Variants in MCTP1 observed in about 807,000 individuals in gnomAD.
MCTP1 encodes the protein multiple C2 and transmembrane domain-containing protein 1.
In MCTP1, 69 loss-of-function variants were observed where a neutral mutation model predicts 120.6. The observed-to-expected ratio is 0.57, with a 90% CI of 0.47 to 0.70. The LOEUF (loss-of-function observed/expected upper bound fraction) is 0.70. Among genes scored for constraint, MCTP1 ranks in the 30% least tolerant of loss-of-function variants. MCTP1 has a pLI of 0.00. For missense variants in MCTP1, 1,203 were observed against 1,248.8 expected (o/e 0.96, Z 0.55); for synonymous variants, 529 against 493.1 (o/e 1.07, Z -0.96).
At chr5:95,115,497 A>T (rs1363962885) in intron 1 of MCTP1, among the ~76,000 whole-genome samples, 1 of 152,062 alleles carries the variant, frequency 6.6e-6, no homozygotes, top group Non-Finnish European at 1.5e-5. Flanking sequence ...CATACTGAAG[A>T]ATGCATCAGA....
intron 1 of MCTP1, among the ~76,000 whole-genome samples, chr5:95,076,136 A>T (rs867990590): frequency 1.4e-4 from 21 of 152,326 alleles, no homozygotes; most frequent in African/African-American, 4.8e-4. Context: ...ACAGTAAGAG[A>T]TAACAGTAAC....
chr5:95,242,794 A>G (rs1756313554), intron 1 of MCTP1, among the ~76,000 whole-genome samples: 1 of 152,242 alleles, frequency 6.6e-6, no homozygotes, highest in Non-Finnish European at 1.5e-5. Context: ...TTCTAGAGCC[A>G]TCAAAATGTT....
At chr5:94,825,830 AT>A (rs1786918210) in intron 17 of MCTP1, 1 of 168,198 alleles carries the variant, frequency 5.9e-6, no homozygotes, top group Admixed American at 6.4e-5. Flanking sequence ...TCCCCTTACC[AT>A]TATGTAATGC....
At chr5:94,818,730 T>G (rs1227088272) in intron 17 of MCTP1, among the ~76,000 whole-genome samples, 1 of 152,182 alleles carries the variant, frequency 6.6e-6, no homozygotes, top group Non-Finnish European at 1.5e-5. Flanking sequence ...TCCTGGTAAA[T>G]TAAAACTGTC....
At chr5:95,019,612 G>T (rs894111493) in intron 1 of MCTP1, among the ~76,000 whole-genome samples, 1 of 152,012 alleles carries the variant, frequency 6.6e-6, no homozygotes, top group African/African-American at 2.4e-5. Context: ...TTTTCCAAAA[G>T]GTTTTCCAAA....
chr5:94,948,959 T>C (rs1819800442), intron 3 of MCTP1, among the ~76,000 whole-genome samples: 1 of 152,112 alleles, frequency 6.6e-6, no homozygotes, highest in South Asian at 2.1e-4. Flanking sequence ...CATTTTCAAC[T>C]TTAACTCTTA....
chr5:95,012,229 A>C (rs1836143517), intron 2 of MCTP1, among the ~76,000 whole-genome samples: 1 of 152,138 alleles, frequency 6.6e-6, no homozygotes, highest in African/African-American at 2.4e-5. Context: ...CACAGGGTTC[A>C]TTCTAGACTG....
intron 17 of MCTP1, among the ~76,000 whole-genome samples, chr5:94,815,734 C>A (rs538280301): frequency 2.0e-5 from 3 of 152,116 alleles, no homozygotes; most frequent in Non-Finnish European, 4.4e-5. Flanking sequence ...TTAGATCAGT[C>A]TTGAGGAGGC....
chr5:95,123,797 C>A (rs1199755249), intron 1 of MCTP1, among the ~76,000 whole-genome samples: 1 of 152,042 alleles, frequency 6.6e-6, no homozygotes. Flanking sequence ...CTACAGGCGC[C>A]CGCCACTGCG....
intron 1 of MCTP1, among the ~76,000 whole-genome samples, chr5:95,087,133 C>T (rs1393311810): frequency 6.6e-6 from 1 of 152,146 alleles, no homozygotes; most frequent in African/African-American, 2.4e-5. Context: ...TTAAGGGTAT[C>T]CCACTTCCTT....
chr5:94,947,577 T>TATATATATATATAGAGAGAG, intron 3 of MCTP1, among the ~76,000 whole-genome samples: 29 of 47,384 alleles, frequency 6.1e-4, no homozygotes, highest in Admixed American at 7.6e-4. Context: ...TATATATATA[T>TATATATATATATAGAGAGAG]AGAGAGAGAG....
intron 1 of MCTP1, among the ~76,000 whole-genome samples, chr5:95,218,694 T>C (rs1221960758): frequency 6.6e-6 from 1 of 152,196 alleles, no homozygotes; most frequent in Non-Finnish European, 1.5e-5. Context: ...GAGAAATGCA[T>C]TGTGGGTGAT....
At chr5:94,982,310 T>C (rs1829577900) in intron 2 of MCTP1, among the ~76,000 whole-genome samples, 1 of 152,156 alleles carries the variant, frequency 6.6e-6, no homozygotes, top group Admixed American at 6.6e-5. Flanking sequence ...ATCTTGTTTA[T>C]CTTGGTACTG....
intron 7 of MCTP1, among the ~76,000 whole-genome samples, chr5:94,921,483 C>A (rs1035134317): frequency 1.3e-5 from 2 of 152,176 alleles, no homozygotes; most frequent in African/African-American, 2.4e-5. Context: ...TATTTCAATT[C>A]ACATCCTGCT....
intron 1 of MCTP1, among the ~76,000 whole-genome samples, chr5:95,120,487 T>C (rs10070050): frequency 0.54 from 81,769 of 152,090 alleles, 23,468 homozygotes; most frequent in Non-Finnish European, 0.64. Flanking sequence ...TCATTCATCA[T>C]GACCAAGTGG....
intron 2 of MCTP1, chr5:94,980,797 A>G (rs1400598536): frequency 1.3e-5 from 2 of 152,098 alleles, no homozygotes; most frequent in Admixed American, 6.6e-5. Context: ...ATGAGCAACT[A>G]AAAGTTTTTT....
chr5:95,207,943 G>GAGAA (rs1415338387), intron 1 of MCTP1, among the ~76,000 whole-genome samples: 12 of 55,600 alleles, frequency 2.2e-4, no homozygotes, highest in African/African-American at 6.3e-4. Flanking sequence ...GAGAGAGAGA[G>GAGAA]AGAGGGAGAG....
At chr5:94,952,793 C>G (rs192191302) in intron 3 of MCTP1, among the ~76,000 whole-genome samples, 4 of 151,804 alleles carry the variant, frequency 2.6e-5, no homozygotes, top group Non-Finnish European at 4.4e-5. Flanking sequence ...TCCCCCATCA[C>G]CTTCACCCTT....
At chr5:94,880,795 T>C (rs928795706) in intron 12 of MCTP1, among the ~76,000 whole-genome samples, 1 of 152,182 alleles carries the variant, frequency 6.6e-6, no homozygotes, top group African/African-American at 2.4e-5. Context: ...AAATGTAATT[T>C]GTGGAAAATG....
Sources: allele counts gnomAD v4.1 joint callset (sites outside exome capture counted in the v4.1 genomes callset), GRCh38; gene constraint gnomAD v4.1.1; transcripts MANE v1.5; gene names NCBI Gene and HGNC (gene_info 2026-07-23, HGNC 2026-07-21).